RAB38: variants seen among roughly 807,000 people sequenced by gnomAD.
RAB38 encodes the protein RAB38, member RAS oncogene family, also known as ras-related protein Rab-38.
A neutral mutation model predicts 18.4 loss-of-function variants in RAB38; 15 were observed. That is an observed-to-expected ratio of 0.82 (90% confidence interval 0.55 to 1.26). The LOEUF is 1.26. Ranked by LOEUF, RAB38 falls within the 50% of genes most tolerant of loss-of-function variation. RAB38 has a pLI of 0.00. For missense variants in RAB38, 294 were observed against 267.4 expected (o/e 1.10, Z -0.69); for synonymous variants, 101 against 104.4 (o/e 0.97, Z 0.20).
chr11:88,062,087 GA>G, the RAB38 span: 5 of 151,980 alleles, frequency 3.3e-5, no homozygotes, highest in African/African-American at 9.7e-5. Context: ...AATATTTGAA[GA>G]AATAGATTTG....
At chr11:87,917,529 G>GTTTT in the RAB38 span, among the ~76,000 whole-genome samples, 1 of 73,212 alleles carries the variant, frequency 1.4e-5, no homozygotes, top group Non-Finnish European at 2.7e-5. Context: ...TCACTGAAGT[G>GTTTT]TTTTTTTTTT....
the RAB38 span, among the ~76,000 whole-genome samples, chr11:88,046,688 C>A: frequency 2.0e-5 from 3 of 152,202 alleles, 1 homozygote; most frequent in East Asian, 5.8e-4. Context: ...AACCCCAACA[C>A]CTTCTACAAA....
chr11:88,035,491 G>C, the RAB38 span, among the ~76,000 whole-genome samples: 5 of 152,092 alleles, frequency 3.3e-5, no homozygotes, highest in Non-Finnish European at 5.9e-5. Flanking sequence ...CAATCACAAG[G>C]CGAGGTCCCA....
At chr11:87,926,239 C>G in the RAB38 span, among the ~76,000 whole-genome samples, 1 of 152,002 alleles carries the variant, frequency 6.6e-6, no homozygotes, top group East Asian at 1.9e-4. Context: ...GTTTCTCTTT[C>G]ACATCTCTGC....
chr11:88,092,357 A>G, the RAB38 span, among the ~76,000 whole-genome samples: 4 of 4,046 alleles, frequency 9.9e-4, no homozygotes, highest in East Asian at 0.013. Context: ...GGAGGGAGAG[A>G]GAGAGAGAGA....
the RAB38 span, among the ~76,000 whole-genome samples, chr11:88,052,023 T>C: frequency 6.6e-6 from 1 of 152,138 alleles, no homozygotes; most frequent in Non-Finnish European, 1.5e-5. Flanking sequence ...CTTGGGAGGC[T>C]AAAGCAGGAG....
chr11:88,058,622 G>A, the RAB38 span, among the ~76,000 whole-genome samples: 1 of 152,148 alleles, frequency 6.6e-6, no homozygotes, highest in Non-Finnish European at 1.5e-5. Flanking sequence ...AAGAGGTATT[G>A]AAATAATTTC....
chr11:87,957,178 C>T, the RAB38 span, among the ~76,000 whole-genome samples: 7 of 152,036 alleles, frequency 4.6e-5, no homozygotes, highest in East Asian at 1.3e-3. Flanking sequence ...CTTAGGTGGT[C>T]AGTTCCAAGA....
chr11:87,877,992 G>A, the RAB38 span, among the ~76,000 whole-genome samples: 1 of 150,888 alleles, frequency 6.6e-6, no homozygotes, highest in African/African-American at 2.4e-5. Flanking sequence ...CTTGTAACAT[G>A]AAGCAAATAA....
chr11:87,810,551 G>A, the RAB38 span, among the ~76,000 whole-genome samples: 1 of 152,154 alleles, frequency 6.6e-6, no homozygotes, highest in Non-Finnish European at 1.5e-5. Flanking sequence ...AAAAAATAAG[G>A]AAGAATATGT....
chr11:88,109,158 A>T (rs552237572), downstream of RAB38, among the ~76,000 whole-genome samples: 1 of 152,286 alleles, frequency 6.6e-6, no homozygotes, highest in South Asian at 2.1e-4. Flanking sequence ...ACAATGACCA[A>T]AACAGCATGG....
In RAB38 at chr11:88,175,201, G is replaced by A; in HGVS notation, c.184C>T (p.Gln62Ter). ...CGCTCACCTGCGATATCCCAGAGCT[G>A]CAGGCGCACCACAGTCTCCGGGTCC... is the stretch of plus-strand genomic sequence containing the variant. ...HWDPETVVRLQLWDIAGQERF... is the reference protein window; with the variant it reads ...HWDPETVVRL Residue 62 changes from glutamine (Q) to a stop codon, truncating the protein, a stop_gained, in exon 1 of 3, where the codon CAG becomes TAG. Transcript: ENST00000243662. LOFTEE classifies it high-confidence loss of function. The A allele has an allele frequency of 6.2e-7, 1 of 1,611,628 alleles. No homozygotes were observed. The highest frequency in any genetic ancestry group is 8.5e-7 in the Non-Finnish European group (1 of 1,178,842).
At chr11:87,853,896 A>G in the RAB38 span, among the ~76,000 whole-genome samples, 1 of 152,312 alleles carries the variant, frequency 6.6e-6, no homozygotes, top group African/African-American at 2.4e-5. Flanking sequence ...GGGCTAAAGG[A>G]AGATTTAATT....
chr11:88,134,023 C>T (rs901890191), intron 2 of RAB38, among the ~76,000 whole-genome samples: 1 of 152,204 alleles, frequency 6.6e-6, no homozygotes, highest in Non-Finnish European at 1.5e-5. Context: ...CCAAAGGGAT[C>T]TTTAAATATT....
chr11:87,969,485 G>A, the RAB38 span, among the ~76,000 whole-genome samples: 3 of 152,268 alleles, frequency 2.0e-5, no homozygotes, highest in East Asian at 5.8e-4. Context: ...AATGTTAGAC[G>A]TGAAGAATGA....
the RAB38 span, among the ~76,000 whole-genome samples, chr11:88,004,122 A>G: frequency 6.8e-6 from 1 of 147,168 alleles, no homozygotes; most frequent in Non-Finnish European, 1.5e-5. Context: ...TCGTTTTAGC[A>G]GTTATTAAAA....
the RAB38 span, among the ~76,000 whole-genome samples, chr11:87,807,027 T>A: frequency 6.6e-6 from 1 of 152,154 alleles, no homozygotes. Flanking sequence ...CTCCACCTCC[T>A]GTCAGATCAG....
the RAB38 span, among the ~76,000 whole-genome samples, chr11:88,086,794 A>G: frequency 3.9e-5 from 6 of 151,930 alleles, no homozygotes; most frequent in African/African-American, 1.4e-4. Context: ...GTTAAGTCCT[A>G]TGCTCTTTGA....
chr11:88,063,821 G>A, the RAB38 span, among the ~76,000 whole-genome samples: 14 of 152,064 alleles, frequency 9.2e-5, no homozygotes, highest in African/African-American at 2.9e-4. Flanking sequence ...ATGAGTGTGA[G>A]GCCTCCCCAG....
Sources: allele counts gnomAD v4.1 joint callset (sites outside exome capture counted in the v4.1 genomes callset), GRCh38; gene constraint gnomAD v4.1.1; transcripts MANE v1.5; gene names NCBI Gene and HGNC (gene_info 2026-07-23, HGNC 2026-07-21).